The following EIF2AK2 variants were observed in gnomAD, a reference collection of about 807,000 sequenced individuals.
EIF2AK2 encodes the protein eukaryotic translation initiation factor 2 alpha kinase 2.
Under a neutral mutation model 70.5 loss-of-function variants are expected in EIF2AK2, and 40 were observed. The ratio of observed to expected loss-of-function variants is 0.57; its 90% CI spans 0.44 to 0.74. The LOEUF is 0.74. Among genes scored for constraint, EIF2AK2 ranks in the 30% least tolerant of loss-of-function variants. The pLI is 0.00. For missense variants in EIF2AK2, 555 were observed against 644.3 expected (o/e 0.86, Z 1.50); for synonymous variants, 198 against 220.9 (o/e 0.90, Z 0.92).
Position 37,141,672 on chromosome 2 carries a change from C to T in EIF2AK2, c.270G>A (p.Thr90=), listed in dbSNP as rs376000248. The T allele has an allele frequency of 3.9e-5, 63 of 1,612,752 alleles. No homozygotes were observed. Among genetic ancestry groups the T allele is most frequent in the African/African-American group, 5.3e-5 (4 of 74,826 alleles). The change falls in exon 5 of 17, where the codon ACG becomes ACA. Residue 90 remains threonine (T), a synonymous_variant. Transcript: ENST00000233057. ...CCATGGATAATCCTTCTGAAGAATT[C>T]GTTGTTGTCAATAATAAAGGACTAA... ...KAVSPLLLTT[T]NSSEGLSMGN... is the part of the protein sequence containing the mutation.
chr2:37,126,431 GT>G lies in EIF2AK2; in HGVS notation c.786-21del, dbSNP rs772067485. The stretch of plus-strand genomic sequence containing the variant: ...CCAAACCTTAAAGATAAAAACCACT[GT>G]TATTTTGACATTTCATGCTCAACCC... On this transcript the variant is annotated intron_variant, in intron 10 of 16. Transcript: ENST00000233057. 1.3e-6 allele frequency: 2 copies of G among 1,596,682 alleles called. No homozygotes were observed. Among genetic ancestry groups the G allele is most frequent in the South Asian group, 2.3e-5 (2 of 88,642 alleles).
rs1254891583 is a variant in EIF2AK2 at position 37,100,841 on chromosome 2, T to A, written c.*6432A>T. 6.6e-6 allele frequency: 1 copy of A among 152,192 alleles called. No homozygotes were observed. Among genetic ancestry groups the A allele is most frequent in the African/African-American group, 2.4e-5 (1 of 41,436 alleles). The allele number at this position is 152,192 out of a possible 1,614,324, so 9.4% of individuals were successfully genotyped here. A position where few individuals can be genotyped will look rare whatever the true frequency, so the allele number is the denominator to read the frequency against. On this transcript the variant is annotated 3_prime_UTR_variant, in exon 17 of 17. Transcript: ENST00000233057. ...CCTCACCATGTCGATAGATGTACAG[T>A]CGCCCCACTACTGGCTTAAATTCTA...
chr2:37,143,577 A>T (rs897079438), intron 4 of EIF2AK2, among the ~76,000 whole-genome samples: 3 of 152,154 alleles, frequency 2.0e-5, no homozygotes, highest in African/African-American at 7.2e-5. Flanking sequence ...TATTCCCTAA[A>T]CAATACAGCA....
At position 37,145,698 on chromosome 2, in the gene EIF2AK2, A is replaced by G. The variant is rs536418705; in HGVS notation, c.240+1155T>C. Among the ~76,000 whole-genome samples, 4 of 118,582 alleles carry G rather than the reference A, an allele frequency of 3.4e-5. No individual in the cohort carries two copies. In the East Asian group the frequency reaches 7.6e-4, roughly 22 times the overall value. 77.8% of individuals were successfully genotyped at this position (118,582 alleles called of 152,430 possible). ...GGCAACTTCCAGTCCTGCAAGCTCT[A>G]TTTATGCATGGTATGTGCCTTATAT... On this transcript the variant is annotated intron_variant, in intron 4 of 16. Coordinates refer to ENST00000233057, the MANE Select transcript of EIF2AK2 (RefSeq NM_001135651.3).
chr2:37,134,722 T>C (rs1275328104), intron 10 of EIF2AK2, among the ~76,000 whole-genome samples: 1 of 152,246 alleles, frequency 6.6e-6, no homozygotes, highest in Non-Finnish European at 1.5e-5. Flanking sequence ...ACTTGTTTTC[T>C]TTCTGTATCT....
At chr2:37,110,499 G>A (rs1674108737) in intron 14 of EIF2AK2, among the ~76,000 whole-genome samples, 1 of 152,112 alleles carries the variant, frequency 6.6e-6, no homozygotes, top group South Asian at 2.1e-4. Context: ...AGCAATACAG[G>A]ATGCAGGAGA....
intron 14 of EIF2AK2, among the ~76,000 whole-genome samples, chr2:37,111,921 ATC>A (rs71396206): frequency 4.0e-4 from 43 of 107,794 alleles, no homozygotes; most frequent in Admixed American, 1.0e-3. Context: ...ATCATAATAA[ATC>A]TCTCTCTCTC....
Position 37,136,471 on chromosome 2 carries a change from C to G in EIF2AK2, c.722+512G>C, listed in dbSNP as rs150780980. ...ACTCTCTTCTCTCCATCCAAGCATC[C>G]ACATCAAGAACCATGTTTCTTCAAT... On this transcript the variant is annotated intron_variant, in intron 9 of 16. Coordinates refer to ENST00000233057, the MANE Select transcript of EIF2AK2 (RefSeq NM_001135651.3). Among the ~76,000 whole-genome samples, 20 of 152,300 alleles carry G rather than the reference C, an allele frequency of 1.3e-4. No individual in the cohort carries two copies. The East Asian group carries it at 3.5e-3, about 26-fold the overall frequency.
intron 13 of EIF2AK2, among the ~76,000 whole-genome samples, chr2:37,118,208 G>A (rs1289903416): frequency 6.6e-6 from 1 of 152,068 alleles, no homozygotes; most frequent in Admixed American, 6.6e-5. Context: ...CAGCTATACG[G>A]GAGGCTGAGG....
chr2:37,139,441 G>C (rs1675249855), intron 6 of EIF2AK2, among the ~76,000 whole-genome samples, 190 bp downstream of exon 6: 1 of 152,008 alleles, frequency 6.6e-6, no homozygotes, highest in African/African-American at 2.4e-5. Context: ...ACCCTGAGTT[G>C]CCACCAGAAA....
chr2:37,150,887 G>C (rs1675717705), intron 1 of EIF2AK2, among the ~76,000 whole-genome samples: 1 of 152,134 alleles, frequency 6.6e-6, no homozygotes, highest in Non-Finnish European at 1.5e-5. Context: ...AGTAAATTAA[G>C]ACCTCTGTTT....
chr2:37,129,229 A>C (rs1265075773), intron 10 of EIF2AK2, among the ~76,000 whole-genome samples: 1 of 152,136 alleles, frequency 6.6e-6, no homozygotes, highest in Non-Finnish European at 1.5e-5. Context: ...TCCAAAAGTC[A>C]GTTATACGAA....
At chr2:37,134,656 C>T (rs537759164) in intron 10 of EIF2AK2, among the ~76,000 whole-genome samples, 3 of 152,302 alleles carry the variant, frequency 2.0e-5, no homozygotes, top group South Asian at 2.1e-4. Flanking sequence ...TTGACCTCCT[C>T]CTTGACCACC....
rs1256066518 is a variant in EIF2AK2, at chr2:37,099,749, C to G, written c.*7524G>C. The G allele has an allele frequency of 6.6e-6, 1 of 152,164 alleles. No individual in the cohort carries two copies. The highest frequency in any genetic ancestry group is 2.4e-5 in the African/African-American group (1 of 41,448). 9.4% of individuals were successfully genotyped at this position (152,164 alleles called of 1,614,324 possible). Reference sequence around the variant, plus strand: ...ATTCATGGTAGCCAAAAAGTACAAACAACCCAAATGTCCATCAGCTGATGA... The same window carrying G: ...ATTCATGGTAGCCAAAAAGTACAAAGAACCCAAATGTCCATCAGCTGATGA... On this transcript the variant is annotated 3_prime_UTR_variant, in exon 17 of 17. Transcript: ENST00000233057.
In EIF2AK2 at chr2:37,100,401, G is replaced by A. The variant is rs1016053418; in HGVS notation, c.*6872C>T. Reference sequence around the variant, plus strand: ...TAAACCACCAAGTTTGTGGTAATTTGTTAGTTATAGCAGCCATAAGAAATT... The same window carrying A: ...TAAACCACCAAGTTTGTGGTAATTTATTAGTTATAGCAGCCATAAGAAATT... On this transcript the variant is annotated 3_prime_UTR_variant, in exon 17 of 17. Transcript: ENST00000233057. 2.6e-5 allele frequency: 4 copies of A among 152,170 alleles called. No individual in the cohort carries two copies. The highest frequency in any genetic ancestry group is 9.7e-5 in the African/African-American group (4 of 41,440). 9.4% of individuals were successfully genotyped at this position (152,170 alleles called of 1,614,324 possible).
chr2:37,109,091 T>C (rs1444026954), intron 15 of EIF2AK2, 103 bp downstream of exon 15: 2 of 958,580 alleles, frequency 2.1e-6, no homozygotes, highest in African/African-American at 3.3e-5. Context: ...ACTAATATGC[T>C]CAAGCCCATC....
chr2:37,130,362 CA>C (rs1220651786), intron 10 of EIF2AK2, among the ~76,000 whole-genome samples: 1 of 152,174 alleles, frequency 6.6e-6, no homozygotes, highest in Non-Finnish European at 1.5e-5. Context: ...CTTGGCCTCC[CA>C]AAGTGCTCGG....
rs368288032 is a variant in EIF2AK2 at position 37,137,777 on chromosome 2, G to A, written c.687+493C>T. 4.6e-5 allele frequency among the ~76,000 whole-genome samples: 7 copies of A among 152,196 alleles called. No homozygotes were observed. The South Asian group carries it at 8.3e-4, about 18-fold the overall frequency. The stretch of plus-strand genomic sequence containing the variant: ...ATGAGTGAGGAAAGACAGAAGTGAC[G>A]TGTGGAAGGGTAAGGAATGGAACTT... On this transcript the variant is annotated intron_variant, in intron 8 of 16. Transcript: ENST00000233057.
intron 13 of EIF2AK2, among the ~76,000 whole-genome samples, chr2:37,119,263 C>A (rs573634308): frequency 2.0e-5 from 3 of 152,286 alleles, no homozygotes; most frequent in East Asian, 3.9e-4. Flanking sequence ...GGGATTACCG[C>A]AATTTTCCAA....
Sources: allele counts gnomAD v4.1 joint callset (sites outside exome capture counted in the v4.1 genomes callset), GRCh38; gene constraint gnomAD v4.1.1; transcripts MANE v1.5; gene names NCBI Gene and HGNC (gene_info 2026-07-23, HGNC 2026-07-21).